SLC22A15: variants seen among roughly 807,000 people sequenced by gnomAD.
The protein encoded by SLC22A15 is flipt 1.
Under a neutral mutation model 62.7 loss-of-function variants are expected in SLC22A15, and 45 were observed. The ratio of observed to expected loss-of-function variants is 0.72; its 90% CI spans 0.56 to 0.92. SLC22A15 has a LOEUF of 0.92. Among genes scored for constraint, SLC22A15 ranks in the 40% least tolerant of loss-of-function variants. SLC22A15 has a pLI of 0.00. For synonymous variants in SLC22A15, 264 were observed against 267.0 expected (o/e 0.99, Z 0.11); for missense variants, 622 against 665.6 (o/e 0.93, Z 0.72).
At chr1:115,999,195 TG>T (rs773341588) in intron 2 of SLC22A15, among the ~76,000 whole-genome samples, 8 of 152,216 alleles carry the variant, frequency 5.3e-5, no homozygotes, top group Non-Finnish European at 7.3e-5. Context: ...GTGGCTAACA[TG>T]TGGTCTATCT....
chr1:115,979,942 A>T (rs1654532112), intron 1 of SLC22A15, among the ~76,000 whole-genome samples: 1 of 151,664 alleles, frequency 6.6e-6, no homozygotes, highest in Admixed American at 6.6e-5. Flanking sequence ...TATGAATCTC[A>T]TCTTAGATTC....
intron 7 of SLC22A15, 33 bp from the exon 8 acceptor site, chr1:116,037,270 A>C: frequency 6.4e-7 from 1 of 1,555,382 alleles, no homozygotes; most frequent in Non-Finnish European, 8.9e-7. Context: ...TAAGGTTCTT[A>C]AGAGAACTGT....
chr1:116,015,485 C>T (rs1656478492), intron 2 of SLC22A15, among the ~76,000 whole-genome samples: 1 of 152,198 alleles, frequency 6.6e-6, no homozygotes, highest in Admixed American at 6.5e-5. Context: ...GACAGCTATC[C>T]ACTTAAAAGG....
chr1:116,047,469 G>A (rs528208295), intron 8 of SLC22A15, among the ~76,000 whole-genome samples: 14 of 152,142 alleles, frequency 9.2e-5, no homozygotes, highest in East Asian at 3.9e-4. Flanking sequence ...GAACCCTCAC[G>A]GAGTCCATTG....
At chr1:116,014,387 G>A (rs1656424393) in intron 2 of SLC22A15, among the ~76,000 whole-genome samples, 1 of 152,126 alleles carries the variant, frequency 6.6e-6, no homozygotes, top group Non-Finnish European at 1.5e-5. Context: ...TTTTAGTGCT[G>A]TGCCCCTCAA....
At chr1:116,026,745 A>ATTTTTTTTTTTTTTTT in intron 4 of SLC22A15, 148 bp from the exon 5 acceptor site, 4 of 831,840 alleles carry the variant, frequency 4.8e-6, no homozygotes, top group Admixed American at 2.6e-5. Flanking sequence ...CTTAGTGTAG[A>ATTTTTTTTTTTTTTTT]TTTTTTTTTC....
chr1:116,037,381 AAAG>A lies in SLC22A15; in HGVS notation c.1167_1169del (p.Lys390del). Reference sequence around the variant, plus strand: ...GTCTTATTGTAATGTTTCTTCCAGAAAAGAAAGGTATGCCTTTCAAATTTCTAC... The same window carrying A: ...GTCTTATTGTAATGTTTCTTCCAGAAAAAGGTATGCCTTTCAAATTTCTAC... On this transcript the variant is annotated inframe_deletion, in exon 8 of 12. Coordinates refer to ENST00000369503, the MANE Select transcript of SLC22A15 (RefSeq NM_018420.3). 1 of 1,612,170 alleles carries A rather than the reference AAAG, an allele frequency of 6.2e-7. No homozygotes were observed. The highest frequency in any genetic ancestry group is 8.5e-7 in the Non-Finnish European group (1 of 1,178,434).
intron 11 of SLC22A15, 107 bp from the exon 12 acceptor site, chr1:116,066,912 A>G (rs1658513364): frequency 2.0e-6 from 2 of 984,158 alleles, no homozygotes; most frequent in Non-Finnish European, 3.1e-6. Context: ...TCTTGGGGGA[A>G]TGAATGTCAT....
At chr1:116,057,544 A>G (rs1450016633) in intron 8 of SLC22A15, among the ~76,000 whole-genome samples, 3 of 152,350 alleles carry the variant, frequency 2.0e-5, no homozygotes, top group Middle Eastern at 3.4e-3. Context: ...TGATCCAGCC[A>G]TCCCATTACT....
chr1:115,979,733 G>T (rs1654521743), intron 1 of SLC22A15, among the ~76,000 whole-genome samples: 1 of 152,090 alleles, frequency 6.6e-6, no homozygotes, highest in South Asian at 2.1e-4. Flanking sequence ...ACAATTCATT[G>T]TTTCTTGATT....
intron 2 of SLC22A15, among the ~76,000 whole-genome samples, chr1:116,004,090 T>C (rs913800552): frequency 6.6e-6 from 1 of 152,186 alleles, no homozygotes; most frequent in African/African-American, 2.4e-5. Context: ...TTTTCCTGCA[T>C]GTAGCTTATT....
At chr1:116,053,340 G>C (rs1459157749) in intron 8 of SLC22A15, among the ~76,000 whole-genome samples, 3 of 152,078 alleles carry the variant, frequency 2.0e-5, no homozygotes, top group Non-Finnish European at 4.4e-5. Context: ...GAAGTGAGAA[G>C]GGAAGTTTAG....
intron 4 of SLC22A15, among the ~76,000 whole-genome samples, chr1:116,021,492 T>G (rs1656835401): frequency 6.6e-6 from 1 of 152,214 alleles, no homozygotes; most frequent in Non-Finnish European, 1.5e-5. Flanking sequence ...GTCTAAGACT[T>G]TATAGACTTA....
rs755500888 is a variant in SLC22A15 at position 116,031,515 on chromosome 1, GA to G, written c.880del (p.Ser294ValfsTer12). On this transcript the variant is annotated frameshift_variant, in exon 6 of 12. Coordinates refer to ENST00000369503, the MANE Select transcript of SLC22A15 (RefSeq NM_018420.3). LOFTEE classifies it high-confidence loss of function. Reference sequence around the variant, plus strand: ...GCCAACAGGAGCTGCAGGGAGACTGGAAGTTTCCTGGATCTCTTTCGTTACC... The same window carrying G: ...GCCAACAGGAGCTGCAGGGAGACTGGAGTTTCCTGGATCTCTTTCGTTACC... ...HPANRSCRET[G>X]SFLDLFRYRV... is the part of the protein sequence containing the mutation. 6.2e-7 allele frequency: 1 copy of G among 1,613,986 alleles called. No homozygotes were observed.
intron 4 of SLC22A15, among the ~76,000 whole-genome samples, chr1:116,021,953 G>A (rs951802823): frequency 6.6e-6 from 1 of 152,186 alleles, no homozygotes; most frequent in African/African-American, 2.4e-5. Context: ...GTGCTGGCCT[G>A]GTCAACCTGT....
At chr1:116,065,645 TCTC>T (rs1307980628) in intron 10 of SLC22A15, among the ~76,000 whole-genome samples, 1 of 151,162 alleles carries the variant, frequency 6.6e-6, no homozygotes, top group Non-Finnish European at 1.5e-5. Context: ...ATCTCTCCCT[TCTC>T]CTCCCCCTTC....
At chr1:115,998,584 T>C (rs1264747569) in intron 2 of SLC22A15, among the ~76,000 whole-genome samples, 1 of 152,190 alleles carries the variant, frequency 6.6e-6, no homozygotes, top group Non-Finnish European at 1.5e-5. Context: ...ATATAGTTGC[T>C]CATAGTAGCC....
chr1:116,036,898 G>A (rs72996739), intron 7 of SLC22A15, among the ~76,000 whole-genome samples: 7,539 of 152,164 alleles, frequency 0.05, 255 homozygotes, highest in African/African-American at 0.089. Context: ...GAAAATAAAG[G>A]GAGCTGTTAG....
chr1:115,991,876 G>GT (rs1415465074), intron 1 of SLC22A15, among the ~76,000 whole-genome samples, 155 bp from the exon 2 acceptor site: 5 of 152,124 alleles, frequency 3.3e-5, no homozygotes, highest in Non-Finnish European at 5.9e-5. Context: ...TCTTTTTCAT[G>GT]TTTTTTTCCT....
Sources: allele counts gnomAD v4.1 joint callset (sites outside exome capture counted in the v4.1 genomes callset), GRCh38; gene constraint gnomAD v4.1.1; transcripts MANE v1.5; gene names NCBI Gene and HGNC (gene_info 2026-07-23, HGNC 2026-07-21).